SLC30A9: variants seen among roughly 807,000 people sequenced by gnomAD.
The protein encoded by SLC30A9 is solute carrier family 30 member 9, also known as proton-coupled zinc antiporter SLC30A9, mitochondrial.
SLC30A9 carries 58 observed loss-of-function variants against 87.5 expected under a neutral mutation model. That is an observed-to-expected ratio of 0.66 (90% CI 0.54 to 0.82). SLC30A9 has a LOEUF of 0.82. SLC30A9 is among the 40% of genes least tolerant of loss of function. The probability of loss-of-function intolerance (pLI) is 0.00; values close to 1 mark genes in which losing one functional copy is unlikely to be tolerated. For missense variants in SLC30A9, 557 were observed against 679.1 expected (o/e 0.82, Z 2.00); for synonymous variants, 234 against 233.0 (o/e 1.00, Z -0.04).
intron 2 of SLC30A9, among the ~76,000 whole-genome samples, chr4:42,015,277 A>G (rs1247829481): frequency 6.6e-6 from 1 of 152,214 alleles, no homozygotes; most frequent in Non-Finnish European, 1.5e-5. Flanking sequence ...GTTAAACAAT[A>G]GAAATACAGT....
intron 8 of SLC30A9, among the ~76,000 whole-genome samples, chr4:42,042,095 C>T (rs568750476): frequency 6.6e-6 from 1 of 152,320 alleles, no homozygotes; most frequent in Non-Finnish European, 1.5e-5. Context: ...GTGCCTACAC[C>T]GCCAGGGCCT....
chr4:42,013,855 C>T (rs1396536130), intron 2 of SLC30A9, among the ~76,000 whole-genome samples: 3 of 152,168 alleles, frequency 2.0e-5, no homozygotes, highest in Non-Finnish European at 4.4e-5. Flanking sequence ...GAGTTAGATC[C>T]CACAAGCACA....
intron 9 of SLC30A9, among the ~76,000 whole-genome samples, chr4:42,054,173 G>A (rs944135212): frequency 2.6e-5 from 4 of 152,018 alleles, no homozygotes; most frequent in South Asian, 2.1e-4. Flanking sequence ...TGGCCAATAC[G>A]GTGAAACCCG....
chr4:42,006,060 A>C (rs1028953475), intron 2 of SLC30A9, among the ~76,000 whole-genome samples: 2 of 152,214 alleles, frequency 1.3e-5, no homozygotes, highest in Non-Finnish European at 2.9e-5. Context: ...TTATTTCCTA[A>C]ACAATACAGT....
chr4:42,016,492 T>G (rs1025237505), intron 2 of SLC30A9, among the ~76,000 whole-genome samples: 2 of 152,154 alleles, frequency 1.3e-5, no homozygotes, highest in African/African-American at 4.8e-5. Flanking sequence ...TAGCCCTGAT[T>G]ATTTACTTTT....
At chr4:42,003,096 A>G (rs1218727654) in intron 2 of SLC30A9, among the ~76,000 whole-genome samples, 1 of 152,088 alleles carries the variant, frequency 6.6e-6, no homozygotes, top group Non-Finnish European at 1.5e-5. Flanking sequence ...TGATTCTTCT[A>G]TGACTTTTTA....
intron 2 of SLC30A9, among the ~76,000 whole-genome samples, chr4:42,006,754 GAAT>G (rs959748112): frequency 1.1e-4 from 16 of 151,566 alleles, no homozygotes; most frequent in Admixed American, 5.9e-4. Flanking sequence ...AAAATTCCTG[GAAT>G]AGTGAGTAGA....
intron 2 of SLC30A9, among the ~76,000 whole-genome samples, chr4:42,005,466 C>T (rs1374148529): frequency 6.6e-6 from 1 of 152,138 alleles, no homozygotes; most frequent in East Asian, 1.9e-4. Flanking sequence ...CTTGCTGTTC[C>T]CTTCTATGTG....
In SLC30A9 at chr4:42,032,944, A is replaced by G. The variant is rs73810496; in HGVS notation, c.611-2331A>G. Among the ~76,000 whole-genome samples, 1,465 of 152,312 alleles carry G rather than the reference A, an allele frequency of 9.6e-3. 26 individuals are homozygous for G. Among genetic ancestry groups the G allele is most frequent in the African/African-American group, 0.034 (1,407 of 41,568 alleles). On this transcript the variant is annotated intron_variant, in intron 6 of 17. Coordinates refer to ENST00000264451, the MANE Select transcript of SLC30A9 (RefSeq NM_006345.4). ...CATACTTGATTTATTCTATGTCTCTACACACATAGAGAATAAAGTGTAGTT... is the reference window on the plus strand; with the variant it reads ...CATACTTGATTTATTCTATGTCTCTGCACACATAGAGAATAAAGTGTAGTT...
intron 2 of SLC30A9, among the ~76,000 whole-genome samples, chr4:42,004,916 A>C (rs1366324236): frequency 1.3e-5 from 2 of 151,748 alleles, no homozygotes; most frequent in African/African-American, 4.8e-5. Flanking sequence ...AGCCTTCCAA[A>C]GTGCTGGGAT....
rs186899098 is a variant in SLC30A9, at chr4:42,021,900, G to A, written c.435-938G>A. On this transcript the variant is annotated intron_variant, in intron 4 of 17. Coordinates refer to ENST00000264451, the MANE Select transcript of SLC30A9 (RefSeq NM_006345.4). ...TGAGTAACTGGGACTATGGCTGTGC[G>A]CCACCACGCCTGGCTAATTTTTTTT... Among the ~76,000 whole-genome samples, 14 of 146,752 alleles carry A rather than the reference G, an allele frequency of 9.5e-5. 1 individual carries two copies. Among genetic ancestry groups the A allele is most frequent in the Non-Finnish European group, 9.0e-5 (6 of 67,030 alleles).
At chr4:42,039,495 G>C (rs1716827118) in intron 8 of SLC30A9, among the ~76,000 whole-genome samples, 1 of 143,452 alleles carries the variant, frequency 7.0e-6, no homozygotes, top group African/African-American at 2.6e-5. Context: ...ACAGAGTCTT[G>C]CTCTGTCGCC....
At chr4:42,070,321 C>T (rs1446522152) in intron 14 of SLC30A9, 1 of 476,322 alleles carries the variant, frequency 2.1e-6, no homozygotes, top group Non-Finnish European at 3.7e-6. Context: ...AATTATGTCA[C>T]ATAGTACTCT....
At chr4:42,000,281 A>G (rs1471569206) in intron 1 of SLC30A9, among the ~76,000 whole-genome samples, 2 of 152,114 alleles carry the variant, frequency 1.3e-5, no homozygotes, top group African/African-American at 4.8e-5. Flanking sequence ...ATAATTACAG[A>G]AGATATTTTG....
intron 17 of SLC30A9, among the ~76,000 whole-genome samples, chr4:42,080,520 G>C (rs1245629565): frequency 2.0e-5 from 3 of 152,186 alleles, no homozygotes; most frequent in Non-Finnish European, 4.4e-5. Flanking sequence ...TGCCAACCGG[G>C]AAGCTCATCT....
chr4:41,995,232 C>T (rs1011835034), intron 1 of SLC30A9, among the ~76,000 whole-genome samples: 6 of 152,166 alleles, frequency 3.9e-5, no homozygotes, highest in Admixed American at 2.6e-4. Flanking sequence ...TGCACTCCAG[C>T]CTGGGCAACA....
At chr4:42,035,163 G>T in intron 6 of SLC30A9, 112 bp from the exon 7 acceptor site, 5 of 1,006,012 alleles carry the variant, frequency 5.0e-6, no homozygotes, top group South Asian at 1.6e-5. Context: ...TAATATTTTT[G>T]CTGTTAGCTA....
intron 8 of SLC30A9, among the ~76,000 whole-genome samples, chr4:42,046,662 T>G (rs1194093650): frequency 1.3e-5 from 2 of 152,138 alleles, no homozygotes; most frequent in African/African-American, 4.8e-5. Context: ...CTGCGCAAAG[T>G]AATTAATGGA....
At chr4:42,051,191 G>T (rs999751813) in intron 9 of SLC30A9, among the ~76,000 whole-genome samples, 1 of 152,172 alleles carries the variant, frequency 6.6e-6, no homozygotes, top group Admixed American at 6.5e-5. Context: ...TAGGAGTAGG[G>T]CTAAATTATT....
Sources: gnomAD v4.1 joint callset for allele counts (sites outside exome capture counted in the v4.1 genomes callset) on GRCh38, gnomAD v4.1.1 for gene constraint, MANE v1.5 for transcripts, NCBI Gene and HGNC (gene_info 2026-07-23, HGNC 2026-07-21) for gene names.